The following SLC2A9 variants were observed in gnomAD, a reference collection of about 807,000 sequenced individuals.
SLC2A9 encodes the protein solute carrier family 2, facilitated glucose transporter member 9.
A neutral mutation model predicts 50.6 loss-of-function variants in SLC2A9; 39 were observed. The ratio of observed to expected loss-of-function variants is 0.77; its 90% CI spans 0.60 to 1.01. The LOEUF (loss-of-function observed/expected upper bound fraction) is 1.01. Among genes scored for constraint, SLC2A9 ranks in the 50% least tolerant of loss-of-function variants. The pLI is 0.00. For synonymous variants in SLC2A9, 324 were observed against 276.9 expected, an observed-to-expected ratio of 1.17 and a Z score of -1.69; for missense variants, 686 against 677.6, an observed-to-expected ratio of 1.01 and a Z score of -0.14.
upstream of SLC2A9, among the ~76,000 whole-genome samples, chr4:10,023,105 G>A (rs764582453): frequency 2.0e-5 from 3 of 152,194 alleles, no homozygotes; most frequent in Non-Finnish European, 4.4e-5. Context: ...TGTGGAGGAG[G>A]CACCACATCA....
intron 1 of SLC2A9, among the ~76,000 whole-genome samples, chr4:9,772,271 T>A (rs1716922831): frequency 6.6e-6 from 1 of 152,152 alleles, no homozygotes; most frequent in African/African-American, 2.4e-5. Flanking sequence ...TAGAAGGGGT[T>A]GGCTGGTGGA....
At chr4:9,777,564 C>T (rs184274372), downstream of SLC2A9, among the ~76,000 whole-genome samples, 96 of 151,854 alleles carry the variant, frequency 6.3e-4, no homozygotes, top group Admixed American at 1.5e-3. Flanking sequence ...GTGTGGCCAG[C>T]GTCTGTGCAC....
At chr4:9,889,733 G>T (rs1737008478) in intron 9 of SLC2A9, among the ~76,000 whole-genome samples, 1 of 152,176 alleles carries the variant, frequency 6.6e-6, no homozygotes, top group African/African-American at 2.4e-5. Context: ...TTTGAAAAAT[G>T]CAAAGATTAA....
chr4:10,007,832 C>A (rs1189080632), intron 2 of SLC2A9, among the ~76,000 whole-genome samples: 2 of 152,178 alleles, frequency 1.3e-5, no homozygotes, highest in Non-Finnish European at 2.9e-5. Flanking sequence ...TCTGCAACAT[C>A]AATTCTGGAA....
chr4:9,771,152 G>A (rs866021017), downstream of SLC2A9: 6 of 215,014 alleles, frequency 2.8e-5, no homozygotes, highest in African/African-American at 1.4e-4. Flanking sequence ...AGAAGCCATG[G>A]GAAATGGAGC....
At chr4:9,823,040 T>TC (rs1268359166), downstream of SLC2A9, among the ~76,000 whole-genome samples, 3 of 152,326 alleles carry the variant, frequency 2.0e-5, no homozygotes, top group South Asian at 2.1e-4. Flanking sequence ...TTCAGAGTCC[T>TC]TACATGTTTT....
chr4:9,919,840 C>CT, intron 7 of SLC2A9, among the ~76,000 whole-genome samples: 1 of 152,188 alleles, frequency 6.6e-6, no homozygotes. Flanking sequence ...GGAATTCCAC[C>CT]TTTGAGTGCC....
At chr4:9,847,773 T>C (rs1208120296) in intron 10 of SLC2A9, among the ~76,000 whole-genome samples, 1 of 152,232 alleles carries the variant, frequency 6.6e-6, no homozygotes, top group Non-Finnish European at 1.5e-5. Flanking sequence ...CTATGTGTTC[T>C]TGAAAGGTTT....
At chr4:9,782,580 A>C (rs781585108) in intron 3 of SLC2A9, 2 of 1,613,816 alleles carry the variant, frequency 1.2e-6, no homozygotes, top group Non-Finnish European at 1.7e-6. Context: ...CACAGGGACC[A>C]GGCGGCCTCT....
intron 5 of SLC2A9, among the ~76,000 whole-genome samples, chr4:9,979,833 C>T (rs1324533605): frequency 6.6e-6 from 1 of 152,148 alleles, no homozygotes; most frequent in Admixed American, 6.5e-5. Context: ...CTCAGCCCCA[C>T]AGCCATCTGA....
upstream of SLC2A9, among the ~76,000 whole-genome samples, chr4:10,021,842 C>CTT (rs57844352): frequency 5.5e-3 from 755 of 136,922 alleles, 9 homozygotes; most frequent in African/African-American, 0.019. Context: ...GACTCTTCCA[C>CTT]TTTTTTTTTT....
Position 9,962,663 on chromosome 4 carries a change from A to T in SLC2A9, c.681+17929T>A, listed in dbSNP as rs114339703. On this transcript the variant is annotated intron_variant, in intron 5 of 11. Coordinates refer to ENST00000264784, the MANE Select transcript of SLC2A9 (RefSeq NM_020041.3). ...AATAGGTGCAGCAAACCACCATGACACATGTTTACCCGTGTAACAAACCTG... is the reference window on the plus strand; with the variant it reads ...AATAGGTGCAGCAAACCACCATGACTCATGTTTACCCGTGTAACAAACCTG... 9.5e-3 allele frequency among the ~76,000 whole-genome samples: 1,448 copies of T among 152,286 alleles called. 25 individuals are homozygous for T. Among genetic ancestry groups the T allele is most frequent in the African/African-American group, 0.033 (1,391 of 41,542 alleles).
chr4:9,926,673 A>C (rs1000740928), intron 6 of SLC2A9, among the ~76,000 whole-genome samples: 11 of 152,172 alleles, frequency 7.2e-5, no homozygotes, highest in Non-Finnish European at 1.3e-4. Context: ...GTGTCTTCAT[A>C]AACATATGCT....
chr4:9,825,173 C>T (rs1390767515), downstream of SLC2A9, among the ~76,000 whole-genome samples: 6 of 152,184 alleles, frequency 3.9e-5, no homozygotes, highest in Non-Finnish European at 5.9e-5. Context: ...CTTTAGGACA[C>T]GTTTTTTCAT....
At chr4:9,946,300 G>T (rs988730941) in intron 5 of SLC2A9, among the ~76,000 whole-genome samples, 1 of 152,102 alleles carries the variant, frequency 6.6e-6, no homozygotes, top group Non-Finnish European at 1.5e-5. Context: ...TAGACTTCCA[G>T]GTCATATTTC....
At chr4:9,983,418 G>T (rs534378653) in intron 4 of SLC2A9, among the ~76,000 whole-genome samples, 1 of 152,332 alleles carries the variant, frequency 6.6e-6, no homozygotes, top group East Asian at 1.9e-4. Context: ...TGCACATTGG[G>T]ACTTTCTCCT....
chr4:9,982,825 A>G (rs1302310409), intron 4 of SLC2A9, among the ~76,000 whole-genome samples: 1 of 152,248 alleles, frequency 6.6e-6, no homozygotes, highest in African/African-American at 2.4e-5. Context: ...CTGGAACTAC[A>G]CTAAGTACTT....
intron 10 of SLC2A9, among the ~76,000 whole-genome samples, chr4:9,850,703 C>T (rs1259096012): frequency 6.6e-6 from 1 of 152,160 alleles, no homozygotes; most frequent in Non-Finnish European, 1.5e-5. Flanking sequence ...CACACTCATT[C>T]GTGCCCCACT....
chr4:9,774,103 T>C (rs1216179126), intron 1 of SLC2A9, among the ~76,000 whole-genome samples: 1 of 151,810 alleles, frequency 6.6e-6, no homozygotes, highest in Non-Finnish European at 1.5e-5. Context: ...AAGCGATTCT[T>C]CTCCCTCAGC....
Sources: gnomAD v4.1 joint callset for allele counts (sites outside exome capture counted in the v4.1 genomes callset) on GRCh38, gnomAD v4.1.1 for gene constraint, MANE v1.5 for transcripts, NCBI Gene and HGNC (gene_info 2026-07-23, HGNC 2026-07-21) for gene names.